The following OC90 variants were observed in gnomAD, a reference collection of about 807,000 sequenced individuals.
OC90 encodes otoconin 90.
Under a neutral mutation model 47.3 loss-of-function variants are expected in OC90, and 46 were observed. The observed-to-expected ratio is 0.97, with a 90% CI of 0.77 to 1.24. The LOEUF (loss-of-function observed/expected upper bound fraction) is 1.24, where lower values mean the gene tolerates loss of function less well. Among genes scored for constraint, OC90 ranks in the 50% most tolerant of loss-of-function variants. OC90 has a pLI of 0.00. For missense variants in OC90, 688 were observed against 583.9 expected, an observed-to-expected ratio of 1.18 and a Z score of -1.84; for synonymous variants, 271 against 219.5, an observed-to-expected ratio of 1.23 and a Z score of -2.07.
intron 10 of OC90, among the ~76,000 whole-genome samples, chr8:132,034,251 A>T (rs1325083067): frequency 1.3e-5 from 2 of 152,148 alleles, no homozygotes; most frequent in African/African-American, 4.8e-5. Flanking sequence ...AAATCACTTC[A>T]CCTCTCTAAA....
intron 1 of OC90, among the ~76,000 whole-genome samples, chr8:132,058,458 C>T (rs1823303227): frequency 6.6e-6 from 1 of 152,160 alleles, no homozygotes. Flanking sequence ...TCCCGGCTCC[C>T]CTAGCTGTCT....
chr8:132,043,734 G>C (rs767669327), intron 4 of OC90, among the ~76,000 whole-genome samples: 1 of 152,176 alleles, frequency 6.6e-6, no homozygotes, highest in African/African-American at 2.4e-5. Context: ...GATTGAAAAA[G>C]CAACACTAAG....
chr8:132,053,362 T>A (rs1045823414), intron 2 of OC90, among the ~76,000 whole-genome samples: 1 of 152,162 alleles, frequency 6.6e-6, no homozygotes, highest in African/African-American at 2.4e-5. Flanking sequence ...ATTATACATA[T>A]ATAACAGAAA....
intron 9 of OC90, 104 bp from the exon 10 acceptor site, chr8:132,034,938 C>T: frequency 2.6e-6 from 2 of 760,768 alleles, no homozygotes; most frequent in Non-Finnish European, 2.3e-6. Context: ...GCCATGTGCT[C>T]TTCACTCTGC....
chr8:132,044,415 A>G lies in OC90; in HGVS notation c.169+18T>C. On this transcript the variant is annotated intron_variant, in intron 4 of 13. Transcript: ENST00000254627. ...CTCTGACCTCTGGTGGATAAAAGCA[A>G]TTTTAGACTTAACTTACCAAAAATT... is the stretch of plus-strand genomic sequence containing the variant. 1 of 1,456,972 alleles carries G rather than the reference A, an allele frequency of 6.9e-7. No individual in the cohort carries two copies. The highest frequency in any genetic ancestry group is 9.5e-7 in the Non-Finnish European group (1 of 1,056,906). 90.3% of individuals were successfully genotyped at this position (1,456,972 alleles called of 1,614,324 possible). A position where few individuals can be genotyped will look rare whatever the true frequency, so the allele number is the denominator to read the frequency against.
At chr8:132,029,025 G>T (rs768607373) in intron 13 of OC90, 48 bp downstream of exon 13, 4 of 1,295,200 alleles carry the variant, frequency 3.1e-6, no homozygotes, top group African/African-American at 1.5e-5. Context: ...CAGTCACGAT[G>T]CTGACCTCAA....
intron 2 of OC90, among the ~76,000 whole-genome samples, chr8:132,054,701 C>A (rs2130865635): frequency 6.6e-6 from 1 of 152,324 alleles, no homozygotes; most frequent in East Asian, 1.9e-4. Flanking sequence ...AGAATAAAAT[C>A]TCTTGGGATG....
Position 132,031,958 on chromosome 8 carries a change from C to A in OC90, c.954G>T (p.Arg318=), listed in dbSNP as rs769439518. 15 of 1,613,918 alleles carry A rather than the reference C, an allele frequency of 9.3e-6. No individual in the cohort carries two copies. Among genetic ancestry groups the A allele is most frequent in the African/African-American group, 1.3e-5 (1 of 74,932 alleles). ...CATAAGACTCAAATTCCTCCGGGCA[C>A]CGGGATGTCAGACAAAAGAGCATCT... ...LGEMLFCLTS[R]CPEEFESYGC... Residue 318 remains arginine, a synonymous_variant, in exon 12 of 14, where the codon CGG becomes CGT. Coordinates refer to ENST00000254627, the MANE Select transcript of OC90 (RefSeq NM_001080399.3).
chr8:132,052,255 TG>T (rs1222075430), intron 2 of OC90, among the ~76,000 whole-genome samples: 1 of 152,216 alleles, frequency 6.6e-6, no homozygotes, highest in Non-Finnish European at 1.5e-5. Flanking sequence ...GAGGTAGACT[TG>T]TGACTTCAGT....
chr8:132,037,424 C>A lies in OC90; in HGVS notation c.679+14G>T. The A allele has an allele frequency of 6.3e-7, 1 of 1,576,048 alleles. No homozygotes were observed. Among genetic ancestry groups the A allele is most frequent in the East Asian group, 2.3e-5 (1 of 43,334 alleles). ...GTGTGTCTTTGGGTTCCACACTAGC[C>A]CCTTCTGGCTCACCTTCTCCTGAAA... On this transcript the variant is annotated intron_variant, in intron 9 of 13. Coordinates refer to ENST00000254627, the MANE Select transcript of OC90 (RefSeq NM_001080399.3).
chr8:132,028,940 AGG>A (rs1822829291), intron 13 of OC90, 131 bp downstream of exon 13: 2 of 610,816 alleles, frequency 3.3e-6, no homozygotes, highest in African/African-American at 3.7e-5. Flanking sequence ...GAAGGAAGGA[AGG>A]AAAAGAAAGA....
intron 10 of OC90, 107 bp from the exon 11 acceptor site, chr8:132,033,271 A>G: frequency 8.8e-7 from 1 of 1,131,448 alleles, no homozygotes; most frequent in Non-Finnish European, 1.3e-6. Flanking sequence ...ACATAGTGTT[A>G]GGAGAATGTT....
intron 1 of OC90, 72 bp downstream of exon 1, chr8:132,059,268 AC>A (rs964551983): frequency 9.4e-6 from 1 of 106,434 alleles, no homozygotes; most frequent in Non-Finnish European, 1.9e-5. Context: ...TCCCTCCTTT[AC>A]TTGCTGTCTT....
At chr8:132,025,435 C>T (rs953914226) in intron 13 of OC90, among the ~76,000 whole-genome samples, 4 of 152,128 alleles carry the variant, frequency 2.6e-5, no homozygotes, top group Admixed American at 6.5e-5. Flanking sequence ...CCATCTATTC[C>T]CTTCTTCTGA....
rs762395026 is a variant in OC90, at chr8:132,041,056, T to A, written c.445A>T (p.Lys149Ter). The A allele has an allele frequency of 1.9e-6, 3 of 1,597,696 alleles. No homozygotes were observed. In the South Asian group the frequency reaches 3.3e-5, roughly 18 times the overall value. Residue 149 changes from lysine to a stop codon, truncating the protein, a stop_gained, in exon 6 of 14, where the codon AAG (lysine) becomes TAG (stop). Coordinates refer to ENST00000254627, the MANE Select transcript of OC90 (RefSeq NM_001080399.3). LOFTEE classifies it high-confidence loss of function. ...LSTEVNCVSK[K>*]IICESKDNCE... The stretch of plus-strand genomic sequence containing the variant: ...TGGAGATGCTTACCACATATGATCT[T>A]CTTGCTGACACAATTGACCTCTGTG...
intron 4 of OC90, among the ~76,000 whole-genome samples, chr8:132,042,043 CA>C (rs1823061658): frequency 6.6e-6 from 1 of 151,846 alleles, no homozygotes; most frequent in Admixed American, 6.6e-5. Flanking sequence ...CAGATTTGGC[CA>C]AAAAACCTTA....
chr8:132,041,615 C>T lies in OC90; in HGVS notation c.254G>A (p.Cys85Tyr). 2 of 1,611,730 alleles carry T rather than the reference C, an allele frequency of 1.2e-6. No individual in the cohort carries two copies. The highest frequency in any genetic ancestry group is 1.7e-4 in the Middle Eastern group (1 of 6,052). ...VLIQFVNGMKCVAGLCPRDFE... is the reference protein window; with the variant it reads ...VLIQFVNGMKYVAGLCPRDFE... ...GTCTCGGGGGCAGAGACCAGCCACA[C>T]ACTTCATACCATTGACAAACTGGAT... The change falls in exon 5 of 14, where the codon TGT becomes TAT. Residue 85 changes from cysteine (C) to tyrosine (Y), a missense_variant. Transcript: ENST00000254627.
intron 2 of OC90, among the ~76,000 whole-genome samples, chr8:132,052,516 T>C (rs937601153): frequency 6.6e-6 from 1 of 152,222 alleles, no homozygotes; most frequent in African/African-American, 2.4e-5. Context: ...TAGATGTTAA[T>C]AAGGTGTGCT....
At chr8:132,028,553 A>AG (rs1822800705) in intron 13 of OC90, among the ~76,000 whole-genome samples, 1 of 19,376 alleles carries the variant, frequency 5.2e-5, no homozygotes, top group South Asian at 3.1e-3. Context: ...AAAGAAAGAA[A>AG]GAAAGAAAGA....
Sources: allele counts gnomAD v4.1 joint callset (sites outside exome capture counted in the v4.1 genomes callset), GRCh38; gene constraint gnomAD v4.1.1; transcripts MANE v1.5; gene names NCBI Gene and HGNC (gene_info 2026-07-23, HGNC 2026-07-21).